The following SCN7A variants were observed in gnomAD, a reference collection of about 807,000 sequenced individuals.
SCN7A encodes the protein sodium voltage-gated channel alpha subunit 7.
SCN7A carries 138 observed loss-of-function variants against 155.2 expected under a neutral mutation model. That is an observed-to-expected ratio of 0.89 (90% CI 0.77 to 1.02). The LOEUF (loss-of-function observed/expected upper bound fraction) is 1.02, where lower values mean the gene tolerates loss of function less well. Ranked by LOEUF, SCN7A falls within the 50% of genes least tolerant of loss-of-function variation. SCN7A has a pLI of 0.00. For synonymous variants in SCN7A, 693 were observed against 649.0 expected, an observed-to-expected ratio of 1.07 and a Z score of -1.03; for missense variants, 2,058 against 1,986.6, an observed-to-expected ratio of 1.04 and a Z score of -0.68.
chr2:166,472,275 G>T, intron 6 of SCN7A, 42 bp downstream of exon 6: 2 of 1,532,202 alleles, frequency 1.3e-6, no homozygotes, highest in South Asian at 1.3e-5. Context: ...AACATTTTCT[G>T]AGCAAAACAT....
intron 11 of SCN7A, among the ~76,000 whole-genome samples, chr2:166,450,055 G>A (rs1297805013): frequency 6.6e-6 from 1 of 152,022 alleles, no homozygotes; most frequent in Non-Finnish European, 1.5e-5. Context: ...CAAGGACAAG[G>A]GATCAATCCA....
At chr2:166,458,427 G>A (rs963090370) in intron 10 of SCN7A, among the ~76,000 whole-genome samples, 4 of 151,648 alleles carry the variant, frequency 2.6e-5, no homozygotes, top group African/African-American at 4.8e-5. Flanking sequence ...AACCAACCAC[G>A]CATCAAAACT....
intron 1 of SCN7A, among the ~76,000 whole-genome samples, chr2:166,489,986 TTGA>T (rs1683048654): frequency 6.6e-6 from 1 of 151,840 alleles, no homozygotes; most frequent in Non-Finnish European, 1.5e-5. Context: ...GGGATACAAG[TTGA>T]TGTTATTTTA....
At chr2:166,469,708 G>A (rs909262654) in intron 7 of SCN7A, among the ~76,000 whole-genome samples, 5 of 151,820 alleles carry the variant, frequency 3.3e-5, no homozygotes, top group African/African-American at 1.2e-4. Context: ...TATGTGGGGA[G>A]TAGTAAGGGA....
intron 4 of SCN7A, 65 bp from the exon 5 acceptor site, chr2:166,473,953 A>G (rs1303193975): frequency 3.1e-5 from 26 of 843,106 alleles, no homozygotes; most frequent in Non-Finnish European, 4.5e-5. Context: ...TCTATGATAT[A>G]TATTTCTTAA....
At chr2:166,417,475 C>G (rs906783671) in intron 20 of SCN7A, among the ~76,000 whole-genome samples, 17 of 151,740 alleles carry the variant, frequency 1.1e-4, no homozygotes, top group African/African-American at 1.9e-4. Flanking sequence ...TCCATCCCCC[C>G]ACAAAAAAGA....
At chr2:166,486,416 G>A (rs1232474947) in intron 2 of SCN7A, among the ~76,000 whole-genome samples, 1 of 152,296 alleles carries the variant, frequency 6.6e-6, no homozygotes, top group African/African-American at 2.4e-5. Context: ...CCAGACCCTG[G>A]AAGGTTGACC....
chr2:166,406,477 A>C lies in SCN7A; in HGVS notation c.4152T>G (p.Ile1384Met). Residue 1384 changes from isoleucine (I) to methionine (M), a missense_variant, in exon 26 of 26, where the codon ATT becomes ATG. Physicochemically the swap from Ile to Met is conservative, Grantham distance 10 (BLOSUM62 1). Coordinates refer to ENST00000643258, the MANE Select transcript of SCN7A (RefSeq NM_002976.4). ...MLSLPALLNI[I>M]LLIFLVMFIY... The stretch of plus-strand genomic sequence containing the variant: ...TGAACATGACCAGGAAGATGAGAAG[A>C]ATGATGTTCAATAATGCTGGGAGGG... The C allele has an allele frequency of 6.2e-7, 1 of 1,612,930 alleles. No individual in the cohort carries two copies. Among genetic ancestry groups the C allele is most frequent in the Non-Finnish European group, 8.5e-7 (1 of 1,179,320 alleles).
intron 21 of SCN7A, chr2:166,414,535 T>C (rs1370385703): frequency 7.1e-6 from 1 of 141,414 alleles, no homozygotes; most frequent in Non-Finnish European, 1.5e-5. Context: ...CACCCGGAAG[T>C]CTATATCCTC....
intron 18 of SCN7A, 111 bp from the exon 19 acceptor site, chr2:166,423,543 G>A: frequency 1.7e-6 from 2 of 1,189,736 alleles, no homozygotes; most frequent in Non-Finnish European, 2.2e-6. Context: ...GGTGAGCACT[G>A]TCAGAGATTG....
chr2:166,445,062 T>C (rs1702034049), intron 12 of SCN7A, 62 bp from the exon 13 acceptor site: 1 of 1,023,618 alleles, frequency 9.8e-7, no homozygotes, highest in East Asian at 2.5e-5. Flanking sequence ...ATGCCTGTAA[T>C]CCCAGCACTT....
At chr2:166,410,721 T>A (rs1045425923) in intron 23 of SCN7A, among the ~76,000 whole-genome samples, 3 of 152,154 alleles carry the variant, frequency 2.0e-5, no homozygotes, top group African/African-American at 7.2e-5. Flanking sequence ...ACAGAAATGA[T>A]CATATGTGAT....
Position 166,462,568 on chromosome 2 carries a change from G to C in SCN7A, c.942-38C>G, listed in dbSNP as rs752812179. 3.1e-6 allele frequency: 5 copies of C among 1,595,346 alleles called. No homozygotes were observed. In the African/African-American group the frequency reaches 6.7e-5, roughly 21 times the overall value. The stretch of plus-strand genomic sequence containing the variant: ...AAGAAAAAAACCTGCTTACTATTAG[G>C]TGACTATCAGATTATGGTCAAATCA... On this transcript the variant is annotated intron_variant, in intron 9 of 25. Coordinates refer to ENST00000643258, the MANE Select transcript of SCN7A (RefSeq NM_002976.4).
At chr2:166,414,263 TACACACACATATATATATATATACAC>T (rs553773037) in intron 21 of SCN7A, among the ~76,000 whole-genome samples, 8,789 of 74,690 alleles carry the variant, frequency 0.12, 927 homozygotes, top group East Asian at 0.2. Context: ...TAGATATATA[TACACACACATATATATATATATACAC>T]ACACATATAT....
At chr2:166,417,009 C>G (rs765902601) in intron 20 of SCN7A, 24 bp from the exon 21 acceptor site, 4 of 1,503,852 alleles carry the variant, frequency 2.7e-6, no homozygotes, top group African/African-American at 2.8e-5. Context: ...AAAATGTAAA[C>G]TTTAGATAGG....
At chr2:166,465,672 G>A (rs1702514625) in intron 8 of SCN7A, 109 bp downstream of exon 8, 2 of 1,326,882 alleles carry the variant, frequency 1.5e-6, no homozygotes, top group African/African-American at 1.5e-5. Context: ...CTTTCAACCA[G>A]CGCCTTTGGG....
At chr2:166,479,854 G>T (rs1360814261) in intron 2 of SCN7A, among the ~76,000 whole-genome samples, 1 of 152,044 alleles carries the variant, frequency 6.6e-6, no homozygotes. Flanking sequence ...CAGAGATAGG[G>T]TACAAGGAAA....
At chr2:166,472,779 C>T (rs1386624780) in intron 5 of SCN7A, among the ~76,000 whole-genome samples, 1 of 151,828 alleles carries the variant, frequency 6.6e-6, no homozygotes, top group African/African-American at 2.4e-5. Context: ...AATTTGAAGT[C>T]AGGTAACAAG....
At chr2:166,439,791 G>T (rs753288519) in intron 15 of SCN7A, among the ~76,000 whole-genome samples, 1 of 152,142 alleles carries the variant, frequency 6.6e-6, no homozygotes, top group African/African-American at 2.4e-5. Context: ...CCCTCATGGT[G>T]CTTACAGTTT....
Sources: allele counts gnomAD v4.1 joint callset (sites outside exome capture counted in the v4.1 genomes callset), GRCh38; gene constraint gnomAD v4.1.1; transcripts MANE v1.5; gene names NCBI Gene and HGNC (gene_info 2026-07-23, HGNC 2026-07-21).